The following ADAMTS6 variants were observed in gnomAD, a reference collection of about 807,000 sequenced individuals.
The protein encoded by ADAMTS6 is ADAM metallopeptidase with thrombospondin type 1 motif 6, also known as A disintegrin and metalloproteinase with thrombospondin motifs 6.
Under a neutral mutation model 144.3 loss-of-function variants are expected in ADAMTS6, and 23 were observed. That is an observed-to-expected ratio of 0.16 (90% CI 0.11 to 0.23). ADAMTS6 has a LOEUF of 0.23. Ranked by LOEUF, ADAMTS6 falls within the 10% of genes least tolerant of loss-of-function variation. The pLI is 1.00. For missense variants in ADAMTS6, 999 were observed against 1,379.6 expected (o/e 0.72, Z 4.37); for synonymous variants, 444 against 457.5 (o/e 0.97, Z 0.38).
At chr5:65,169,883 TGGTGG>T (rs1488556434) in intron 24 of ADAMTS6, among the ~76,000 whole-genome samples, 1 of 84,724 alleles carries the variant, frequency 1.2e-5, no homozygotes, top group Non-Finnish European at 2.1e-5. Flanking sequence ...CTGGGGACTG[TGGTGG>T]GGAGGGGGGA....
intron 15 of ADAMTS6, among the ~76,000 whole-genome samples, chr5:65,234,078 CAAAAAA>C (rs3078364): frequency 1.1e-5 from 1 of 90,384 alleles, no homozygotes; most frequent in East Asian, 3.1e-4. Context: ...TGGTCACGTG[CAAAAAA>C]AAAAAAAAAG....
intron 9 of ADAMTS6, among the ~76,000 whole-genome samples, chr5:65,319,749 G>GGAGGGAGGGAAGGAAGA: frequency 1.5e-5 from 1 of 66,832 alleles, no homozygotes; most frequent in Non-Finnish European, 3.3e-5. Flanking sequence ...GGGAAGGAAG[G>GGAGGGAGGGAAGGAAGA]AAGGAAGGAA....
chr5:65,422,337 A>G (rs1756120014), intron 7 of ADAMTS6, among the ~76,000 whole-genome samples: 1 of 152,240 alleles, frequency 6.6e-6, no homozygotes, highest in Non-Finnish European at 1.5e-5. Context: ...GGTGTGATGA[A>G]AAGGGAACAC....
intron 20 of ADAMTS6, among the ~76,000 whole-genome samples, chr5:65,203,169 T>C (rs1755850614): frequency 2.0e-5 from 3 of 152,208 alleles, no homozygotes; most frequent in Admixed American, 2.0e-4. Context: ...AGAGGCAGAA[T>C]ACTAACTAGA....
At chr5:65,247,077 G>C (rs1759693203) in intron 14 of ADAMTS6, among the ~76,000 whole-genome samples, 1 of 152,256 alleles carries the variant, frequency 6.6e-6, no homozygotes, top group South Asian at 2.1e-4. Flanking sequence ...GTAAAAGCCT[G>C]ACAGATTTTC....
At chr5:65,381,529 A>ATTTTTTTTTTT (rs748143650) in intron 7 of ADAMTS6, among the ~76,000 whole-genome samples, 1 of 103,086 alleles carries the variant, frequency 9.7e-6, no homozygotes, top group African/African-American at 3.7e-5. Context: ...TGCCTGGCTA[A>ATTTTTTTTTTT]TTTTTTTTTT....
At position 65,300,140 on chromosome 5, in the gene ADAMTS6, A is replaced by T; in HGVS notation, c.1224-9T>A. 1 of 1,610,142 alleles carries T rather than the reference A, an allele frequency of 6.2e-7. No individual in the cohort carries two copies. Among genetic ancestry groups the T allele is most frequent in the East Asian group, 2.2e-5 (1 of 44,856 alleles). On this transcript the variant is annotated splice_polypyrimidine_tract_variant and intron_variant, in intron 9 of 24. Coordinates refer to ENST00000381055, the MANE Select transcript of ADAMTS6 (RefSeq NM_197941.4). ...CATGGTTCATACCAAAACTGTTTTAATGAGGAAGAAACATAGAATAAATAA... is the reference window on the plus strand; with the variant it reads ...CATGGTTCATACCAAAACTGTTTTATTGAGGAAGAAACATAGAATAAATAA...
At chr5:65,204,822 A>T (rs1221570417) in intron 20 of ADAMTS6, among the ~76,000 whole-genome samples, 1 of 152,188 alleles carries the variant, frequency 6.6e-6, no homozygotes, top group Non-Finnish European at 1.5e-5. Flanking sequence ...AAGGACCTTC[A>T]TGATTTCAAA....
intron 20 of ADAMTS6, among the ~76,000 whole-genome samples, chr5:65,206,345 C>A (rs886162859): frequency 3.3e-5 from 5 of 152,140 alleles, no homozygotes; most frequent in African/African-American, 1.2e-4. Context: ...GTTTGAAAAA[C>A]GTGGTCCCAC....
intron 14 of ADAMTS6, among the ~76,000 whole-genome samples, chr5:65,253,547 TATTAA>T (rs1447210619): frequency 1.3e-5 from 2 of 152,168 alleles, no homozygotes; most frequent in African/African-American, 4.8e-5. Flanking sequence ...ATATGCATAG[TATTAA>T]ATTATGTAAA....
chr5:65,160,400 G>A (rs1294423397), intron 24 of ADAMTS6, among the ~76,000 whole-genome samples: 3 of 148,826 alleles, frequency 2.0e-5, no homozygotes, highest in African/African-American at 2.5e-5. Flanking sequence ...TCCGCCTCCC[G>A]GGTTCACGCC....
chr5:65,319,778 A>AAGAG (rs1324429735), intron 9 of ADAMTS6, among the ~76,000 whole-genome samples: 7 of 138,556 alleles, frequency 5.1e-5, no homozygotes, highest in African/African-American at 1.3e-4. Context: ...GGAAGGAAGG[A>AAGAG]AGGAAGGAAG....
chr5:65,353,377 C>G (rs1749038345), intron 7 of ADAMTS6, among the ~76,000 whole-genome samples: 1 of 152,000 alleles, frequency 6.6e-6, no homozygotes, highest in Non-Finnish European at 1.5e-5. Flanking sequence ...AAGTAGTAAA[C>G]TTGGTGGGAT....
chr5:65,335,913 T>TGA (rs550170497), intron 7 of ADAMTS6, among the ~76,000 whole-genome samples: 285 of 151,776 alleles, frequency 1.9e-3, no homozygotes, highest in African/African-American at 6.5e-3. Context: ...GACATACATC[T>TGA]GAAACAGGTT....
intron 9 of ADAMTS6, among the ~76,000 whole-genome samples, chr5:65,327,656 A>G (rs1746299377): frequency 6.6e-6 from 1 of 152,206 alleles, no homozygotes; most frequent in Non-Finnish European, 1.5e-5. Context: ...GGAAGAATTG[A>G]AAGGATTTAC....
intron 14 of ADAMTS6, among the ~76,000 whole-genome samples, chr5:65,258,327 G>T (rs1760872485): frequency 6.6e-6 from 1 of 152,168 alleles, no homozygotes; most frequent in South Asian, 2.1e-4. Context: ...AAGCCCGAAG[G>T]TAGGAGCATG....
chr5:65,436,345 G>T (rs1263079648), intron 7 of ADAMTS6, among the ~76,000 whole-genome samples: 1 of 152,168 alleles, frequency 6.6e-6, no homozygotes, highest in East Asian at 1.9e-4. Context: ...AGGATTGAAG[G>T]CCACCGATTT....
intron 7 of ADAMTS6, among the ~76,000 whole-genome samples, chr5:65,355,004 C>G (rs1749190719): frequency 6.6e-6 from 1 of 151,802 alleles, no homozygotes; most frequent in African/African-American, 2.4e-5. Flanking sequence ...ATTCCTCAAC[C>G]TTTCTTCCAA....
intron 15 of ADAMTS6, among the ~76,000 whole-genome samples, chr5:65,236,147 G>GA (rs534885191): frequency 1.0e-3 from 154 of 152,118 alleles, no homozygotes; most frequent in African/African-American, 3.6e-3. Context: ...AATGAGAGTA[G>GA]AAAAAAATCA....
Sources: gnomAD v4.1 joint callset for allele counts (sites outside exome capture counted in the v4.1 genomes callset) on GRCh38, gnomAD v4.1.1 for gene constraint, MANE v1.5 for transcripts, NCBI Gene and HGNC (gene_info 2026-07-23, HGNC 2026-07-21) for gene names.